NPNT: variants seen among roughly 807,000 people sequenced by gnomAD.
NPNT encodes the protein nephronectin, also known as preosteoblast EGF-like repeat protein with MAM domain.
In NPNT, 45 loss-of-function variants were observed where a neutral mutation model predicts 68.6. That is an observed-to-expected ratio of 0.66 (90% CI 0.52 to 0.84). NPNT has a LOEUF of 0.84. NPNT is among the 40% of genes least tolerant of loss of function. The pLI is 0.00. For synonymous variants in NPNT, 233 were observed against 253.3 expected (o/e 0.92, Z 0.76); for missense variants, 672 against 714.8 (o/e 0.94, Z 0.68).
At chr4:105,896,113 A>C (rs1468934605) in intron 1 of NPNT, 2 of 193,050 alleles carry the variant, frequency 1.0e-5, no homozygotes, top group Non-Finnish European at 1.1e-5. Flanking sequence ...ACGGCTCTTC[A>C]CTGGGGAAGC....
intron 2 of NPNT, among the ~76,000 whole-genome samples, chr4:105,920,193 A>T (rs1216455611): frequency 6.6e-6 from 1 of 151,876 alleles, no homozygotes; most frequent in Non-Finnish European, 1.5e-5. Flanking sequence ...AACTCCTCCA[A>T]GCCAGCTTCT....
intron 4 of NPNT, 113 bp downstream of exon 4, chr4:105,937,241 C>T (rs1184102351): frequency 1.3e-5 from 13 of 1,012,638 alleles, no homozygotes; most frequent in East Asian, 7.5e-5. Flanking sequence ...AAGATGTGTG[C>T]GTGTGTTTAT....
At chr4:105,936,954 T>C in intron 3 of NPNT, 55 bp from the exon 4 acceptor site, 3 of 1,563,064 alleles carry the variant, frequency 1.9e-6, no homozygotes, top group Non-Finnish European at 2.6e-6. Flanking sequence ...TTTAGATGGC[T>C]TACATTAGTG....
rs750276514 is a variant in NPNT at position 105,942,580 on chromosome 4, C to T, written c.1037C>T (p.Thr346Ile). 35 of 1,613,864 alleles carry T rather than the reference C, an allele frequency of 2.2e-5. No homozygotes were observed. The South Asian group carries it at 3.5e-4, about 16-fold the overall frequency. Residue 346 changes from threonine (T) to isoleucine (I), a missense_variant, in exon 8 of 12, where the codon ACC becomes ATC. Physicochemically the swap from Thr to Ile is moderately conservative, Grantham distance 89. Coordinates refer to ENST00000379987, the MANE Select transcript of NPNT (RefSeq NM_001033047.3). Reference sequence around the variant, plus strand: ...CTCAGAACACCTCTACCACCTACAACCCCAGAAAGGCCAACCACCGGACTG... The same window carrying T: ...CTCAGAACACCTCTACCACCTACAATCCCAGAAAGGCCAACCACCGGACTG... ...TELRTPLPPT[T>I]PERPTTGLTT...
At chr4:105,903,049 T>C (rs1726547767) in intron 2 of NPNT, among the ~76,000 whole-genome samples, 1 of 152,144 alleles carries the variant, frequency 6.6e-6, no homozygotes, top group Non-Finnish European at 1.5e-5. Context: ...CAACTAGATC[T>C]GTCCTCAAAT....
intron 8 of NPNT, among the ~76,000 whole-genome samples, chr4:105,953,853 A>G (rs917768714): frequency 6.6e-5 from 10 of 152,230 alleles, no homozygotes; most frequent in African/African-American, 2.4e-4. Flanking sequence ...GTAATGCCAT[A>G]GGAACCACCT....
At chr4:105,928,490 G>A (rs929044987) in intron 3 of NPNT, among the ~76,000 whole-genome samples, 7 of 151,802 alleles carry the variant, frequency 4.6e-5, no homozygotes, top group African/African-American at 7.3e-5. Context: ...GCTCATGCTT[G>A]TAATCCCAGC....
At chr4:105,910,976 C>T (rs1285258384) in intron 2 of NPNT, among the ~76,000 whole-genome samples, 7 of 152,010 alleles carry the variant, frequency 4.6e-5, no homozygotes, top group African/African-American at 1.7e-4. Context: ...AATTTGATGA[C>T]TCAAAATTGG....
At position 105,942,630 on chromosome 4, in the gene NPNT, A is replaced by T; in HGVS notation, c.1087A>T (p.Thr363Ser). The change falls in exon 8 of 12, where the codon ACA (threonine) becomes TCA (serine). Residue 363 changes from threonine to serine, a missense_variant. Transcript: ENST00000379987. Reference sequence around the variant, plus strand: ...GACAACTATAGCACCAGCTGCCAGTACACCTCCAGGAGGGATTACAGTTGA... The same window carrying T: ...GACAACTATAGCACCAGCTGCCAGTTCACCTCCAGGAGGGATTACAGTTGA... ...GLTTIAPAAS[T>S]PPGGITVDNR... 1.2e-6 allele frequency: 2 copies of T among 1,614,044 alleles called. No homozygotes were observed. The highest frequency in any genetic ancestry group is 1.7e-6 in the Non-Finnish European group (2 of 1,179,982).
chr4:105,924,138 T>C lies in NPNT; in HGVS notation c.173-3198T>C, dbSNP rs1728495861. ...CTGCCTCTAACACACCAACCTGCAG[T>C]TGTAGTTATTACACACCCTCCTTGG... On this transcript the variant is annotated intron_variant, in intron 2 of 11. Transcript: ENST00000379987. 2.0e-5 allele frequency among the ~76,000 whole-genome samples: 3 copies of C among 151,888 alleles called. No individual in the cohort carries two copies. In the South Asian group the frequency reaches 6.2e-4, roughly 32 times the overall value.
Position 105,940,537 on chromosome 4 carries a change from C to A in NPNT, c.664C>A (p.Gln222Lys). 4 of 1,612,938 alleles carry A rather than the reference C, an allele frequency of 2.5e-6. No homozygotes were observed. In the South Asian group the frequency reaches 4.4e-5, roughly 18 times the overall value. ...CHDIDECSLG[Q>K]YQCSSFARCY... Reference sequence around the variant, plus strand: ...AGACATAGACGAATGCTCACTTGGTCAGTATCAGTGCAGCAGCTTTGCTCG... The same window carrying A: ...AGACATAGACGAATGCTCACTTGGTAAGTATCAGTGCAGCAGCTTTGCTCG... The change falls in exon 7 of 12, where the codon CAG becomes AAG. Residue 222 changes from glutamine to lysine, a missense_variant. Gln to Lys is a moderately conservative substitution (Grantham distance 53). Transcript: ENST00000379987.
intron 3 of NPNT, among the ~76,000 whole-genome samples, chr4:105,931,927 G>A (rs112372076): frequency 1.1e-3 from 175 of 152,280 alleles, no homozygotes; most frequent in Non-Finnish European, 2.2e-3. Context: ...ACATAATGGT[G>A]TTGAAACAGA....
chr4:105,896,019 G>A (rs1370210122), intron 1 of NPNT: 1 of 437,120 alleles, frequency 2.3e-6, no homozygotes, highest in Non-Finnish European at 4.1e-6. Context: ...CTGGGATCTC[G>A]GCTCTGAGGG....
intron 2 of NPNT, among the ~76,000 whole-genome samples, chr4:105,924,946 T>G (rs1354241555): frequency 6.6e-6 from 1 of 152,184 alleles, no homozygotes; most frequent in Non-Finnish European, 1.5e-5. Context: ...AATATGGCAT[T>G]CTGTGTGCCT....
intron 8 of NPNT, among the ~76,000 whole-genome samples, chr4:105,950,850 T>C (rs1416589811): frequency 2.6e-5 from 4 of 152,186 alleles, no homozygotes; most frequent in Admixed American, 1.3e-4. Context: ...CTTGAATTTC[T>C]GGCCTCAAGC....
At chr4:105,967,676 A>G (rs1257139883) in intron 11 of NPNT, among the ~76,000 whole-genome samples, 1 of 151,090 alleles carries the variant, frequency 6.6e-6, no homozygotes, top group Admixed American at 6.6e-5. Context: ...CCTGGTAAAG[A>G]TCCATTTTTT....
intron 3 of NPNT, chr4:105,929,544 T>C (rs1404740171): frequency 1.3e-5 from 2 of 152,230 alleles, no homozygotes; most frequent in Admixed American, 6.5e-5. Flanking sequence ...AAAACTCCAC[T>C]TGATTTTTCT....
intron 2 of NPNT, among the ~76,000 whole-genome samples, chr4:105,902,360 A>T (rs1196793576): frequency 6.6e-6 from 1 of 152,198 alleles, no homozygotes; most frequent in Non-Finnish European, 1.5e-5. Context: ...TTAAACGTAA[A>T]GCAATTTTTA....
intron 11 of NPNT, 118 bp from the exon 12 acceptor site, chr4:105,968,777 C>A: frequency 6.9e-6 from 4 of 576,534 alleles, no homozygotes; most frequent in South Asian, 2.3e-5. Flanking sequence ...TGTTTTTTTC[C>A]TCCTGCAAAA....
Sources: gnomAD v4.1 joint callset for allele counts (sites outside exome capture counted in the v4.1 genomes callset) on GRCh38, gnomAD v4.1.1 for gene constraint, MANE v1.5 for transcripts, NCBI Gene and HGNC (gene_info 2026-07-23, HGNC 2026-07-21) for gene names.